SOX6: variants seen among roughly 807,000 people sequenced by gnomAD.
SOX6 encodes the protein transcription factor SOX-6.
In SOX6, 11 loss-of-function variants were observed where a neutral mutation model predicts 97.8. The observed-to-expected ratio is 0.11, with a 90% confidence interval of 0.07 to 0.19. The LOEUF (loss-of-function observed/expected upper bound fraction) is 0.19, where lower values mean the gene tolerates loss of function less well. Ranked by LOEUF, SOX6 falls within the 10% of genes least tolerant of loss-of-function variation. The pLI is 1.00. For missense variants in SOX6, 810 were observed against 1,039.5 expected (o/e 0.78, Z 3.04); for synonymous variants, 360 against 371.4 (o/e 0.97, Z 0.35).
intron 4 of SOX6, among the ~76,000 whole-genome samples, chr11:16,225,942 T>A (rs1197441744): frequency 6.6e-6 from 1 of 152,212 alleles, no homozygotes; most frequent in Non-Finnish European, 1.5e-5. Context: ...CTAATTTTAC[T>A]TCTTTTAGTA....
chr11:16,210,780 C>A (rs1852198898), intron 4 of SOX6, among the ~76,000 whole-genome samples: 2 of 152,144 alleles, frequency 1.3e-5, no homozygotes, highest in Non-Finnish European at 2.9e-5. Flanking sequence ...AGGCAGTGAA[C>A]CGACACATAC....
chr11:16,324,952 G>A (rs1173945180), intron 2 of SOX6, among the ~76,000 whole-genome samples: 1 of 151,948 alleles, frequency 6.6e-6, no homozygotes, highest in African/African-American at 2.4e-5. Context: ...TGGTTGATGA[G>A]TATGGAAATA....
chr11:16,259,199 T>TA (rs1331161976), intron 3 of SOX6, among the ~76,000 whole-genome samples: 1 of 151,832 alleles, frequency 6.6e-6, no homozygotes, highest in Non-Finnish European at 1.5e-5. Context: ...AAATAAATTT[T>TA]AAAAAACAAT....
At chr11:16,425,532 G>A (rs558916906) in intron 1 of SOX6, among the ~76,000 whole-genome samples, 1 of 152,122 alleles carries the variant, frequency 6.6e-6, no homozygotes, top group Non-Finnish European at 1.5e-5. Context: ...AACTATCCCT[G>A]TTTACAGACA....
chr11:16,045,350 C>T (rs1855796210), intron 12 of SOX6, among the ~76,000 whole-genome samples: 2 of 152,024 alleles, frequency 1.3e-5, no homozygotes, highest in Non-Finnish European at 2.9e-5. Context: ...AGATTAGTAC[C>T]CTTCTATCAG....
At chr11:16,128,395 A>C (rs1849658950) in intron 6 of SOX6, among the ~76,000 whole-genome samples, 1 of 152,334 alleles carries the variant, frequency 6.6e-6, no homozygotes, top group South Asian at 2.1e-4. Flanking sequence ...TTAGAATCAC[A>C]GACTTTTAGA....
At chr11:16,521,576 T>G (rs567621481) in intron 4 of SOX6, among the ~76,000 whole-genome samples, 6 of 152,122 alleles carry the variant, frequency 3.9e-5, no homozygotes, top group Non-Finnish European at 8.8e-5. Context: ...GCAGAGCGCC[T>G]CTTCTCCTCC....
At chr11:16,162,481 C>T (rs1413014085) in intron 6 of SOX6, among the ~76,000 whole-genome samples, 2 of 152,032 alleles carry the variant, frequency 1.3e-5, no homozygotes, top group Admixed American at 6.6e-5. Flanking sequence ...TGGCTTGGTG[C>T]TGGCTTCACA....
chr11:16,307,088 GGAGTCGTCCATGGCAGAGAA>G (rs1398724210), intron 3 of SOX6, among the ~76,000 whole-genome samples: 1 of 152,132 alleles, frequency 6.6e-6, no homozygotes, highest in Non-Finnish European at 1.5e-5. Context: ...AAGGAGGAGG[GGAGTCGTCCATGGCAGAGAA>G]GAGTAAAGTA....
chr11:16,632,410 CA>C (rs1228561813), intron 3 of SOX6, among the ~76,000 whole-genome samples: 1 of 151,972 alleles, frequency 6.6e-6, no homozygotes, highest in Admixed American at 6.5e-5. Context: ...CAATAACAGT[CA>C]GCTTTTAGCT....
At chr11:16,466,626 GA>G (rs532542109) in intron 1 of SOX6, among the ~76,000 whole-genome samples, 59 of 142,036 alleles carry the variant, frequency 4.2e-4, no homozygotes, top group Middle Eastern at 3.5e-3. Flanking sequence ...AAAATTACAA[GA>G]AAAAAAAAAA....
At chr11:16,068,229 C>T (rs913738204) in intron 9 of SOX6, among the ~76,000 whole-genome samples, 2 of 152,196 alleles carry the variant, frequency 1.3e-5, no homozygotes, top group Admixed American at 1.3e-4. Context: ...CTACTCAAAA[C>T]AATGCTGATG....
At chr11:16,716,695 C>T (rs540350129) in intron 2 of SOX6, among the ~76,000 whole-genome samples, 1 of 151,932 alleles carries the variant, frequency 6.6e-6, no homozygotes, top group Non-Finnish European at 1.5e-5. Context: ...ACATACCCAT[C>T]AACAAATGAA....
chr11:16,351,453 G>A (rs755248623), intron 1 of SOX6, among the ~76,000 whole-genome samples: 1 of 151,860 alleles, frequency 6.6e-6, no homozygotes, highest in African/African-American at 2.4e-5. Context: ...CTCTATTTTA[G>A]TATCTCCTCC....
intron 4 of SOX6, among the ~76,000 whole-genome samples, chr11:16,497,553 A>G (rs1237566550): frequency 6.6e-6 from 1 of 152,170 alleles, no homozygotes; most frequent in Admixed American, 6.5e-5. Flanking sequence ...CATGGCAAAG[A>G]AGTTAAAAAC....
intron 4 of SOX6, among the ~76,000 whole-genome samples, chr11:16,232,080 A>G (rs573524842): frequency 6.6e-6 from 1 of 151,974 alleles, no homozygotes; most frequent in Non-Finnish European, 1.5e-5. Flanking sequence ...AAAATACACA[A>G]TGCTTGAGAT....
At position 16,082,701 on chromosome 11, in the gene SOX6, G is replaced by A. The variant is rs142589721; in HGVS notation, c.1101+13295C>T. ...CACAGTGCCTTAACTATTAAATCTAGTGTAATGGGAAATGTAAACTAGAGA... is the reference window on the plus strand; with the variant it reads ...CACAGTGCCTTAACTATTAAATCTAATGTAATGGGAAATGTAAACTAGAGA... On this transcript the variant is annotated intron_variant, in intron 9 of 15. Transcript: ENST00000683767. 5.3e-5 allele frequency among the ~76,000 whole-genome samples: 8 copies of A among 152,222 alleles called. No individual in the cohort carries two copies. The East Asian group carries it at 1.4e-3, about 26-fold the overall frequency.
At chr11:16,711,162 C>G (rs139636866) in intron 3 of SOX6, among the ~76,000 whole-genome samples, 83 of 152,312 alleles carry the variant, frequency 5.4e-4, no homozygotes, top group Middle Eastern at 3.4e-3. Context: ...TTGACCTCCT[C>G]CAATCCATTC....
intron 3 of SOX6, chr11:16,283,885 T>A (rs894480410): frequency 7.0e-6 from 3 of 428,334 alleles, no homozygotes; most frequent in Non-Finnish European, 1.4e-5. Flanking sequence ...TTAAAATAAC[T>A]AAGGTACTCC....
Sources: gnomAD v4.1 joint callset for allele counts (sites outside exome capture counted in the v4.1 genomes callset) on GRCh38, gnomAD v4.1.1 for gene constraint, MANE v1.5 for transcripts, NCBI Gene and HGNC (gene_info 2026-07-23, HGNC 2026-07-21) for gene names.